CCDC175: variants seen among roughly 807,000 people sequenced by gnomAD.
The protein encoded by CCDC175 is coiled-coil domain-containing protein 175.
In CCDC175, 100 loss-of-function variants were observed where a neutral mutation model predicts 114.6. The ratio of observed to expected loss-of-function variants is 0.87; its 90% CI spans 0.74 to 1.03. CCDC175 has a LOEUF of 1.03. CCDC175 is among the 50% of genes least tolerant of loss of function. The probability of loss-of-function intolerance (pLI) is 0.00; values close to 1 mark genes in which losing one functional copy is unlikely to be tolerated. For synonymous variants in CCDC175, 306 were observed against 308.7 expected (o/e 0.99, Z 0.09); for missense variants, 880 against 917.8 (o/e 0.96, Z 0.53).
At chr14:59,523,345 A>G (rs1036116345) in intron 16 of CCDC175, among the ~76,000 whole-genome samples, 6 of 152,234 alleles carry the variant, frequency 3.9e-5, no homozygotes, top group African/African-American at 1.4e-4. Context: ...AAAAAAACCC[A>G]TGAGAGTGGT....
chr14:59,543,736 G>C (rs1894932480), intron 9 of CCDC175, among the ~76,000 whole-genome samples: 1 of 152,054 alleles, frequency 6.6e-6, no homozygotes, highest in Non-Finnish European at 1.5e-5. Flanking sequence ...TTATGCGATT[G>C]GTCCATGTTG....
At chr14:59,545,077 T>G (rs1895020666) in intron 9 of CCDC175, 86 bp downstream of exon 9, 2 of 1,290,722 alleles carry the variant, frequency 1.5e-6, no homozygotes, top group East Asian at 5.1e-5. Context: ...CTAGGATAAG[T>G]TTAAGTGGAG....
intron 17 of CCDC175, among the ~76,000 whole-genome samples, chr14:59,519,907 G>C (rs567436808): frequency 6.6e-6 from 1 of 152,334 alleles, no homozygotes; most frequent in East Asian, 1.9e-4. Flanking sequence ...GAGGCCATGA[G>C]GAGGTGTTCT....
intron 19 of CCDC175, among the ~76,000 whole-genome samples, chr14:59,509,849 T>C (rs1594970916): frequency 6.6e-6 from 1 of 152,322 alleles, no homozygotes; most frequent in South Asian, 2.1e-4. Context: ...ACATCCTACC[T>C]TCAAAATTGC....
chr14:59,509,315 T>G (rs974259284), intron 19 of CCDC175, among the ~76,000 whole-genome samples: 1 of 152,252 alleles, frequency 6.6e-6, no homozygotes. Flanking sequence ...CAAAGGATCC[T>G]TTATGCATTC....
chr14:59,554,896 C>A (rs1895781633), intron 7 of CCDC175, among the ~76,000 whole-genome samples: 1 of 152,168 alleles, frequency 6.6e-6, no homozygotes, highest in Non-Finnish European at 1.5e-5. Flanking sequence ...GACACATACA[C>A]CCTCCGAAGA....
At chr14:59,575,599 T>G (rs1441557251) in intron 1 of CCDC175, among the ~76,000 whole-genome samples, 1 of 142,878 alleles carries the variant, frequency 7.0e-6, no homozygotes, top group Non-Finnish European at 1.5e-5. Context: ...AACCTCTGCC[T>G]TCTGAGTTCA....
intron 3 of CCDC175, among the ~76,000 whole-genome samples, chr14:59,571,823 CA>C (rs915505228): frequency 2.0e-5 from 3 of 151,658 alleles, no homozygotes; most frequent in Non-Finnish European, 2.9e-5. Flanking sequence ...CATAAATATA[CA>C]AAAAAAATTG....
At chr14:59,539,423 C>T (rs1049758100) in intron 11 of CCDC175, among the ~76,000 whole-genome samples, 1 of 151,928 alleles carries the variant, frequency 6.6e-6, no homozygotes, top group African/African-American at 2.4e-5. Flanking sequence ...ACTAAAAATA[C>T]AAACAAATTA....
intron 3 of CCDC175, 77 bp from the exon 4 acceptor site, chr14:59,568,457 G>T: frequency 2.6e-6 from 3 of 1,154,886 alleles, no homozygotes; most frequent in Admixed American, 3.8e-5. Context: ...ACGCAAAAAA[G>T]CTTTCTTTGA....
chr14:59,574,854 T>C (rs1242889436), intron 2 of CCDC175, 89 bp downstream of exon 2: 1 of 700,218 alleles, frequency 1.4e-6, no homozygotes, highest in Non-Finnish European at 2.4e-6. Context: ...AGTCATCTAC[T>C]TAATACTTTG....
intron 4 of CCDC175, among the ~76,000 whole-genome samples, chr14:59,565,690 G>C (rs965703205): frequency 6.6e-6 from 1 of 151,896 alleles, no homozygotes; most frequent in African/African-American, 2.4e-5. Flanking sequence ...CTGAGTGACA[G>C]AGTGAGTCTC....
In CCDC175 at chr14:59,568,384, CA is replaced by C. The variant is rs753410208; in HGVS notation, c.356-5del. On this transcript the variant is annotated splice_region_variant and splice_polypyrimidine_tract_variant and intron_variant, in intron 3 of 19. Transcript: ENST00000537690. ...CTGCGAGCGTCTCGGACACATTCTT[CA>C]AAGTAAGTGGAAATATTACTACATT... 1 of 1,502,208 alleles carries C rather than the reference CA, an allele frequency of 6.7e-7. No individual in the cohort carries two copies. Among genetic ancestry groups the C allele is most frequent in the African/African-American group, 1.4e-5 (1 of 70,588 alleles). 93.1% of individuals were successfully genotyped at this position (1,502,208 alleles called of 1,614,324 possible).
intron 2 of CCDC175, 66 bp downstream of exon 2, chr14:59,574,877 G>C: frequency 1.2e-6 from 1 of 835,170 alleles, no homozygotes; most frequent in Non-Finnish European, 1.9e-6. Flanking sequence ...CAGAATTGGT[G>C]CGAAATGAAA....
In CCDC175 at chr14:59,527,186, A is replaced by G; in HGVS notation, c.1763-12T>C. 7.1e-7 allele frequency: 1 copy of G among 1,410,986 alleles called. No individual in the cohort carries two copies. The highest frequency in any genetic ancestry group is 9.3e-7 in the Non-Finnish European group (1 of 1,069,702). The allele number at this position is 1,410,986 out of a possible 1,614,324, so 87.4% of individuals were successfully genotyped here. A position where few individuals can be genotyped will look rare whatever the true frequency, so the allele number is the denominator to read the frequency against. ...CTCCTGTCTTTGTGCTATTAAAACAAAGAAAAAAATAACTACCTCAAAAAT... is the reference window on the plus strand; with the variant it reads ...CTCCTGTCTTTGTGCTATTAAAACAGAGAAAAAAATAACTACCTCAAAAAT... On this transcript the variant is annotated splice_polypyrimidine_tract_variant and intron_variant, in intron 14 of 19. Coordinates refer to ENST00000537690, the MANE Select transcript of CCDC175 (RefSeq NM_001164399.2).
chr14:59,556,363 G>C (rs1895902794), intron 7 of CCDC175, among the ~76,000 whole-genome samples: 1 of 152,128 alleles, frequency 6.6e-6, no homozygotes, highest in Non-Finnish European at 1.5e-5. Context: ...AATGGGGAAA[G>C]GATTCCCTAT....
chr14:59,555,167 A>G (rs1895804472), intron 7 of CCDC175, among the ~76,000 whole-genome samples: 1 of 152,204 alleles, frequency 6.6e-6, no homozygotes, highest in Admixed American at 6.5e-5. Flanking sequence ...ACAAAAAAAG[A>G]GAATTTTAGA....
chr14:59,511,696 G>T (rs1258979800), intron 18 of CCDC175, 64 bp downstream of exon 18: 10 of 1,313,208 alleles, frequency 7.6e-6, no homozygotes, highest in South Asian at 1.3e-5. Context: ...ACACTTATTA[G>T]GTAGGTAAAC....
intron 8 of CCDC175, among the ~76,000 whole-genome samples, chr14:59,549,666 G>C (rs920764338): frequency 1.5e-5 from 2 of 137,138 alleles, no homozygotes; most frequent in Non-Finnish European, 3.1e-5. Context: ...GTTGCAGTGA[G>C]CTGAGATCAT....
Sources: allele counts gnomAD v4.1 joint callset (sites outside exome capture counted in the v4.1 genomes callset), GRCh38; gene constraint gnomAD v4.1.1; transcripts MANE v1.5; gene names NCBI Gene and HGNC (gene_info 2026-07-23, HGNC 2026-07-21).